The following CDKAL1 variants were observed in gnomAD, a reference collection of about 807,000 sequenced individuals.
CDKAL1 encodes the protein CDKAL1 threonylcarbamoyladenosine tRNA methylthiotransferase.
Under a neutral mutation model 68.2 loss-of-function variants are expected in CDKAL1, and 32 were observed. The observed-to-expected ratio is 0.47, with a 90% CI of 0.35 to 0.63. The LOEUF (loss-of-function observed/expected upper bound fraction) is 0.63. Among genes scored for constraint, CDKAL1 ranks in the 30% least tolerant of loss-of-function variants. CDKAL1 has a pLI of 0.00. For missense variants in CDKAL1, 606 were observed against 696.7 expected, an observed-to-expected ratio of 0.87 and a Z score of 1.47; for synonymous variants, 234 against 244.3, an observed-to-expected ratio of 0.96 and a Z score of 0.39.
chr6:21,225,700 T>G (rs1185270153), intron 15 of CDKAL1, among the ~76,000 whole-genome samples: 3 of 152,224 alleles, frequency 2.0e-5, no homozygotes, highest in Admixed American at 2.0e-4. Context: ...CAGTTTGGTC[T>G]GCCACAATTC....
intron 13 of CDKAL1, among the ~76,000 whole-genome samples, chr6:21,148,816 CT>C (rs1304795061): frequency 3.3e-5 from 5 of 152,154 alleles, no homozygotes; most frequent in African/African-American, 1.2e-4. Flanking sequence ...ACAAGGCAAA[CT>C]GTAGACTAAT....
intron 13 of CDKAL1, among the ~76,000 whole-genome samples, chr6:21,134,967 T>A (rs186952152): frequency 2.0e-5 from 3 of 149,368 alleles, no homozygotes; most frequent in African/African-American, 4.9e-5. Flanking sequence ...GTGATTTTTT[T>A]AAAATATGCC....
intron 4 of CDKAL1, among the ~76,000 whole-genome samples, chr6:20,579,307 G>A (rs1398719632): frequency 6.6e-6 from 1 of 151,974 alleles, no homozygotes; most frequent in Non-Finnish European, 1.5e-5. Context: ...GAAGAAAGTT[G>A]CAAAATATAC....
chr6:20,998,867 C>T (rs188318666), intron 10 of CDKAL1, among the ~76,000 whole-genome samples: 9 of 152,078 alleles, frequency 5.9e-5, no homozygotes, highest in Non-Finnish European at 8.8e-5. Flanking sequence ...TTTAAACAAC[C>T]GCTGCTAAGA....
chr6:20,719,694 G>A (rs963798907), intron 5 of CDKAL1, among the ~76,000 whole-genome samples: 1 of 152,042 alleles, frequency 6.6e-6, no homozygotes, highest in Non-Finnish European at 1.5e-5. Context: ...GTATAGTTTA[G>A]CGAATTAAGT....
intron 8 of CDKAL1, among the ~76,000 whole-genome samples, chr6:20,798,045 G>A (rs1026417824): frequency 1.3e-5 from 2 of 151,668 alleles, no homozygotes; most frequent in African/African-American, 4.8e-5. Flanking sequence ...TGAACTCCTG[G>A]GCTCAAGTGA....
At chr6:21,196,552 AT>A (rs1778477065) in intron 13 of CDKAL1, among the ~76,000 whole-genome samples, 1 of 152,220 alleles carries the variant, frequency 6.6e-6, no homozygotes, top group African/African-American at 2.4e-5. Flanking sequence ...TTTGAATGAG[AT>A]AGTAAACTAG....
At chr6:20,651,821 G>A (rs988698441) in intron 5 of CDKAL1, among the ~76,000 whole-genome samples, 3 of 152,120 alleles carry the variant, frequency 2.0e-5, no homozygotes, top group Admixed American at 6.5e-5. Flanking sequence ...TGTGGTTTTT[G>A]TCTTTAGTTC....
intron 8 of CDKAL1, among the ~76,000 whole-genome samples, chr6:20,816,094 A>G (rs1777031025): frequency 6.7e-6 from 1 of 149,584 alleles, no homozygotes; most frequent in African/African-American, 2.5e-5. Context: ...GTCCATACTG[A>G]TATCTGGACA....
chr6:20,873,260 A>G (rs1461102686), intron 9 of CDKAL1, among the ~76,000 whole-genome samples: 1 of 152,190 alleles, frequency 6.6e-6, no homozygotes, highest in Admixed American at 6.5e-5. Flanking sequence ...CTCAGTCTTT[A>G]GTGTGATAAG....
chr6:21,223,305 T>G (rs1254286369), intron 15 of CDKAL1, among the ~76,000 whole-genome samples: 1 of 152,180 alleles, frequency 6.6e-6, no homozygotes, highest in Non-Finnish European at 1.5e-5. Context: ...GCTTCACCAT[T>G]TATACTATCA....
intron 9 of CDKAL1, among the ~76,000 whole-genome samples, chr6:20,950,978 A>AAAAAG (rs1188068099): frequency 1.3e-5 from 2 of 151,708 alleles, no homozygotes; most frequent in South Asian, 4.2e-4. Context: ...AGAAAAAAAA[A>AAAAAG]AAAAGAAAAG....
At chr6:20,973,003 G>A (rs1404998631) in intron 10 of CDKAL1, among the ~76,000 whole-genome samples, 5 of 151,728 alleles carry the variant, frequency 3.3e-5, no homozygotes, top group African/African-American at 7.3e-5. Flanking sequence ...GCTTGAACCC[G>A]GGAGGCAGAG....
At chr6:21,128,649 G>A (rs766362722) in intron 13 of CDKAL1, among the ~76,000 whole-genome samples, 1 of 152,192 alleles carries the variant, frequency 6.6e-6, no homozygotes, top group Non-Finnish European at 1.5e-5. Context: ...AAGAAGAGAT[G>A]TGCTGGTCAC....
chr6:21,005,873 C>G, intron 11 of CDKAL1, among the ~76,000 whole-genome samples: 1 of 152,136 alleles, frequency 6.6e-6, no homozygotes, highest in East Asian at 1.9e-4. Flanking sequence ...AAAGGGGAAT[C>G]TTTTGCAGGG....
At position 20,786,453 on chromosome 6, in the gene CDKAL1, G is replaced by A. The variant is rs147830167; in HGVS notation, c.638+5188G>A. ...AAGCTAAGGTTGATAAGCTGTTTTC[G>A]TCAGGTCTCCCATTTGTGTGACTCC... On this transcript the variant is annotated intron_variant, in intron 8 of 15. Transcript: ENST00000274695. Among the ~76,000 whole-genome samples the A allele has an allele frequency of 2.3e-4, 35 of 149,472 alleles. No homozygotes were observed. In the East Asian group the frequency reaches 6.1e-3, roughly 26 times the overall value.
intron 9 of CDKAL1, among the ~76,000 whole-genome samples, chr6:20,859,854 G>A (rs1051699125): frequency 2.0e-5 from 3 of 152,118 alleles, no homozygotes; most frequent in African/African-American, 4.8e-5. Context: ...TAACTTGCTA[G>A]CATCCAACTG....
intron 11 of CDKAL1, among the ~76,000 whole-genome samples, chr6:21,032,427 T>C (rs1289284303): frequency 6.6e-6 from 1 of 152,178 alleles, no homozygotes; most frequent in African/African-American, 2.4e-5. Context: ...GAACTCTGTC[T>C]ATTTTTATTT....
intron 15 of CDKAL1, among the ~76,000 whole-genome samples, chr6:21,218,947 T>A (rs911513792): frequency 6.6e-6 from 1 of 152,180 alleles, no homozygotes; most frequent in Non-Finnish European, 1.5e-5. Context: ...TTAAGTTTTT[T>A]AATATTAATC....
Sources: allele counts gnomAD v4.1 joint callset (sites outside exome capture counted in the v4.1 genomes callset), GRCh38; gene constraint gnomAD v4.1.1; transcripts MANE v1.5; gene names NCBI Gene and HGNC (gene_info 2026-07-23, HGNC 2026-07-21).